The following CCNH variants were observed in gnomAD, a reference collection of about 807,000 sequenced individuals.
CCNH encodes cyclin-H.
CCNH carries 31 observed loss-of-function variants against 41.9 expected under a neutral mutation model. That is an observed-to-expected ratio of 0.74 (90% CI 0.56 to 1.00). The LOEUF (loss-of-function observed/expected upper bound fraction) is 1.00. Ranked by LOEUF, CCNH falls within the 50% of genes least tolerant of loss-of-function variation. CCNH has a pLI of 0.00. For missense variants in CCNH, 362 were observed against 388.4 expected (o/e 0.93, Z 0.57); for synonymous variants, 138 against 136.1 (o/e 1.01, Z -0.10).
intron 9 of CCNH, among the ~76,000 whole-genome samples, chr5:87,340,680 C>T (rs954056120): frequency 1.2e-4 from 18 of 152,068 alleles, no homozygotes; most frequent in African/African-American, 2.7e-4. Context: ...TCACTTTTTA[C>T]GGGCTCAGAA....
downstream of CCNH, among the ~76,000 whole-genome samples, chr5:87,375,887 G>T (rs1236452811): frequency 6.6e-6 from 1 of 152,056 alleles, no homozygotes; most frequent in Non-Finnish European, 1.5e-5. Context: ...TTACTTTTAC[G>T]ATAAAATCCA....
intron 9 of CCNH, among the ~76,000 whole-genome samples, chr5:87,364,700 T>C (rs1047496070): frequency 6.6e-6 from 1 of 152,088 alleles, no homozygotes; most frequent in African/African-American, 2.4e-5. Context: ...TTCTTGTGGG[T>C]TGAATCCTTC....
At chr5:87,370,975 T>C (rs1215904708) in intron 9 of CCNH, among the ~76,000 whole-genome samples, 2 of 152,164 alleles carry the variant, frequency 1.3e-5, no homozygotes, top group Non-Finnish European at 2.9e-5. Context: ...TTTACGGCTA[T>C]GTATCCCTAA....
At chr5:87,389,520 C>T (rs775179017), downstream of CCNH, 1 of 1,613,954 alleles carries the variant, frequency 6.2e-7, no homozygotes, top group Non-Finnish European at 8.5e-7. Flanking sequence ...GAGCGTGGTG[C>T]ACAGCAGGTA....
chr5:87,391,221 C>CA, downstream of CCNH: 1 of 434,572 alleles, frequency 2.3e-6, no homozygotes, highest in Non-Finnish European at 4.2e-6. Context: ...ACCCAGTTGC[C>CA]AAAGTTTTGC....
At chr5:87,371,782 T>G (rs1347311674), downstream of CCNH, among the ~76,000 whole-genome samples, 1 of 152,150 alleles carries the variant, frequency 6.6e-6, no homozygotes, top group Admixed American at 6.6e-5. Context: ...ATTATACAGT[T>G]AATTTCCCCA....
intron 9 of CCNH, among the ~76,000 whole-genome samples, chr5:87,325,150 AAGG>A (rs1299916169): frequency 6.6e-6 from 1 of 152,120 alleles, no homozygotes; most frequent in African/African-American, 2.4e-5. Context: ...TGGTGTCATC[AAGG>A]AGAAGTACTG....
chr5:87,325,602 A>G (rs1005482754), intron 9 of CCNH, among the ~76,000 whole-genome samples: 1 of 152,220 alleles, frequency 6.6e-6, no homozygotes, highest in Non-Finnish European at 1.5e-5. Context: ...GGATTTCTGC[A>G]TGTATGTTTC....
chr5:87,371,757 A>G (rs1350645226), downstream of CCNH, among the ~76,000 whole-genome samples: 1 of 152,128 alleles, frequency 6.6e-6, no homozygotes, highest in Non-Finnish European at 1.5e-5. Flanking sequence ...AGCTTGCCTC[A>G]AGTATAACAG....
chr5:87,387,005 CT>C, downstream of CCNH: 2 of 1,129,316 alleles, frequency 1.8e-6, no homozygotes, highest in Admixed American at 2.2e-5. Flanking sequence ...CTATCCAAAA[CT>C]AAAAAGACAA....
At chr5:87,387,431 G>C (rs1285560790), downstream of CCNH, among the ~76,000 whole-genome samples, 1 of 152,104 alleles carries the variant, frequency 6.6e-6, no homozygotes, top group Non-Finnish European at 1.5e-5. Context: ...TTACGAATGA[G>C]GGTATTTTAT....
intron 5 of CCNH, among the ~76,000 whole-genome samples, chr5:87,404,496 G>A (rs527867028): frequency 1.4e-4 from 22 of 152,260 alleles, no homozygotes; most frequent in Middle Eastern, 3.4e-3. Context: ...TAACTTCCGC[G>A]TGTCATACAT....
At chr5:87,379,951 T>A (rs1365162420), upstream of CCNH, 4 of 1,203,376 alleles carry the variant, frequency 3.3e-6, no homozygotes, top group East Asian at 2.6e-5. Flanking sequence ...CTAATATTAT[T>A]ATACTCTGAA....
At chr5:87,368,597 A>G (rs1206012491) in intron 9 of CCNH, among the ~76,000 whole-genome samples, 1 of 152,270 alleles carries the variant, frequency 6.6e-6, no homozygotes, top group East Asian at 1.9e-4. Context: ...AGGCTGTTCT[A>G]TTTCTGGTTT....
chr5:87,386,965 C>T, downstream of CCNH: 1 of 1,384,952 alleles, frequency 7.2e-7, no homozygotes, highest in Non-Finnish European at 1.0e-6. Flanking sequence ...TGAGTTAACC[C>T]ATTTAAGCAG....
chr5:87,361,835 A>G (rs1760118601), intron 9 of CCNH, among the ~76,000 whole-genome samples: 1 of 151,512 alleles, frequency 6.6e-6, no homozygotes, highest in African/African-American at 2.4e-5. Context: ...TATGTTGCTT[A>G]GTTTTATACA....
intron 9 of CCNH, among the ~76,000 whole-genome samples, chr5:87,357,790 T>C (rs538222110): frequency 5.3e-5 from 8 of 152,334 alleles, no homozygotes; most frequent in African/African-American, 1.7e-4. Context: ...ACTTGAGATA[T>C]GTAATGTGCC....
downstream of CCNH, chr5:87,390,953 T>G (rs1224760023): frequency 2.7e-6 from 4 of 1,465,410 alleles, no homozygotes; most frequent in Non-Finnish European, 3.8e-6. Context: ...GTTTAATGTC[T>G]CCTTTGCTCT....
Position 87,408,136 on chromosome 5 carries a change from C to T in CCNH, c.365G>A (p.Ser122Asn), listed in dbSNP as rs918830877. 1 of 1,576,050 alleles carries T rather than the reference C, an allele frequency of 6.3e-7. No individual in the cohort carries two copies. The highest frequency in any genetic ancestry group is 8.6e-7 in the Non-Finnish European group (1 of 1,156,186). ...CCGGAGGTTTCCAACAAACTGAGGACTAGATACATTGAATTCATCTACTTT... is the reference window on the plus strand; with the variant it reads ...CCGGAGGTTTCCAACAAACTGAGGATTAGATACATTGAATTCATCTACTTT... ...ACKVDEFNVS[S>N]PQFVGNLRES... The change falls in exon 4 of 9, where the codon AGT becomes AAT. Residue 122 changes from serine to asparagine, a missense_variant. Physicochemically the swap from Ser to Asn is conservative, Grantham distance 46 (BLOSUM62 1). Transcript: ENST00000256897.
Sources: gnomAD v4.1 joint callset for allele counts (sites outside exome capture counted in the v4.1 genomes callset) on GRCh38, gnomAD v4.1.1 for gene constraint, MANE v1.5 for transcripts, NCBI Gene and HGNC (gene_info 2026-07-23, HGNC 2026-07-21) for gene names.